The following MGST3 variants were observed in gnomAD, a reference collection of about 807,000 sequenced individuals.
MGST3 encodes the protein microsomal glutathione S-transferase 3.
A neutral mutation model predicts 15.8 loss-of-function variants in MGST3; 13 were observed. The observed-to-expected ratio is 0.82, with a 90% CI of 0.54 to 1.31. MGST3 has a LOEUF of 1.31. Ranked by LOEUF, MGST3 falls within the 50% of genes most tolerant of loss-of-function variation. The pLI, the probability that MGST3 is intolerant of heterozygous loss-of-function variation, is 0.00. For synonymous variants in MGST3, 49 were observed against 68.1 expected (o/e 0.72, Z 1.38); for missense variants, 155 against 192.4 (o/e 0.81, Z 1.15).
At chr1:165,641,947 C>T (rs142356972) in intron 1 of MGST3, among the ~76,000 whole-genome samples, 11 of 152,212 alleles carry the variant, frequency 7.2e-5, no homozygotes, top group Non-Finnish European at 8.8e-5. Context: ...CTTGACTGAT[C>T]TATTTTGACT....
chr1:165,632,046 A>G, intron 1 of MGST3: 1 of 564,756 alleles, frequency 1.8e-6, no homozygotes, highest in Non-Finnish European at 3.2e-6. Context: ...AAGGCGCTGG[A>G]GACTCCTTAG....
intron 3 of MGST3, 150 bp from the exon 4 acceptor site, chr1:165,651,828 G>T: frequency 1.7e-6 from 1 of 586,342 alleles, no homozygotes; most frequent in Non-Finnish European, 3.0e-6. Context: ...CCGGGAGGCG[G>T]AGGTTGCAGT....
chr1:165,644,048 T>C (rs1571151645), intron 1 of MGST3, among the ~76,000 whole-genome samples: 1 of 134,072 alleles, frequency 7.5e-6, no homozygotes, highest in African/African-American at 3.2e-5. Flanking sequence ...ACAGAGACCC[T>C]GTGTTAAAAA....
intron 2 of MGST3, 51 bp from the exon 3 acceptor site, chr1:165,650,963 C>T (rs754886185): frequency 4.5e-5 from 68 of 1,516,670 alleles, no homozygotes; most frequent in Non-Finnish European, 6.0e-5. Flanking sequence ...TAACTTTCAA[C>T]ACTGAATGCT....
At chr1:165,647,447 G>C (rs9333458) in intron 1 of MGST3, 2,137 of 152,182 alleles carry the variant, frequency 0.014, 29 homozygotes, top group Non-Finnish European at 0.021. Flanking sequence ...GAGTGTTTTG[G>C]GGGAGAATTC....
chr1:165,636,131 A>G (rs145454648), intron 1 of MGST3, among the ~76,000 whole-genome samples: 1 of 152,338 alleles, frequency 6.6e-6, no homozygotes, highest in East Asian at 1.9e-4. Flanking sequence ...TCTGAACCCA[A>G]AGAAATCCCA....
rs1342349041 is a variant in MGST3, at chr1:165,655,370, C to T, written c.325C>T (p.Pro109Ser). 1.2e-6 allele frequency: 2 copies of T among 1,613,736 alleles called. No individual in the cohort carries two copies. The stretch of plus-strand genomic sequence containing the variant: ...TTCTGTTCTTTCTTCTTTTTCAGAA[C>T]CCAGCAAGCGTAGTCGAGGAGCCCT... ...LYAYGYYTGEPSKRSRGALGS... is the reference protein window; with the variant it reads ...LYAYGYYTGESSKRSRGALGS... Residue 109 changes from proline to serine, a missense_variant and splice_region_variant, in exon 6 of 6, where the codon CCC becomes TCC. Physicochemically the swap from Pro to Ser is moderately conservative, Grantham distance 74. Coordinates refer to ENST00000367889, the MANE Select transcript of MGST3 (RefSeq NM_004528.4).
intron 1 of MGST3, among the ~76,000 whole-genome samples, chr1:165,648,079 T>C (rs1648455377): frequency 6.6e-6 from 1 of 152,268 alleles, no homozygotes; most frequent in African/African-American, 2.4e-5. Context: ...TCTGTTTTTC[T>C]TTTAATAACT....
intron 1 of MGST3, chr1:165,632,070 G>A: frequency 9.9e-6 from 6 of 603,132 alleles, no homozygotes; most frequent in Non-Finnish European, 1.8e-5. Context: ...GTCATTCCCC[G>A]AAGTTGTGGC....
At chr1:165,651,892 C>CAA (rs58194137) in intron 3 of MGST3, 86 bp from the exon 4 acceptor site, 9,958 of 467,954 alleles carry the variant, frequency 0.021, 128 homozygotes, top group African/African-American at 0.049. Flanking sequence ...CACTCCGTCT[C>CAA]AAAAAAAAAA....
At chr1:165,654,473 T>C in intron 5 of MGST3, 122 bp downstream of exon 5, 1 of 873,852 alleles carries the variant, frequency 1.1e-6, no homozygotes, top group Non-Finnish European at 1.9e-6. Flanking sequence ...GGCAGATTGC[T>C]TGAGCTCAGG....
intron 1 of MGST3, among the ~76,000 whole-genome samples, chr1:165,633,186 G>C (rs1289822193): frequency 1.3e-5 from 2 of 152,162 alleles, no homozygotes; most frequent in African/African-American, 2.4e-5. Flanking sequence ...GTAGATTATC[G>C]CTATGTAAAA....
chr1:165,632,061 T>A, intron 1 of MGST3: 1 of 590,372 alleles, frequency 1.7e-6, no homozygotes, highest in African/African-American at 1.9e-5. Context: ...CCTTAGTGAG[T>A]CATTCCCCGA....
rs2101726795 is a variant in MGST3 at position 165,655,439 on chromosome 1, T to G, written c.394T>G (p.Ser132Ala). ...GGGCTTGGTGGGCACAACTGTGTGC[T>G]CTGCTTTCCAGCATCTTGGTTGGGT... ...LLGLVGTTVC[S>A]AFQHLGWVKS... is the part of the protein sequence containing the mutation. The change falls in exon 6 of 6, where the codon TCT (serine) becomes GCT (alanine). Residue 132 changes from serine (S) to alanine (A), a missense_variant. Coordinates refer to ENST00000367889, the MANE Select transcript of MGST3 (RefSeq NM_004528.4). 1 of 1,614,174 alleles carries G rather than the reference T, an allele frequency of 6.2e-7. No individual in the cohort carries two copies. Among genetic ancestry groups the G allele is most frequent in the East Asian group, 2.2e-5 (1 of 44,892 alleles).
At chr1:165,635,189 A>C (rs1178557329) in intron 1 of MGST3, among the ~76,000 whole-genome samples, 1 of 152,034 alleles carries the variant, frequency 6.6e-6, no homozygotes, top group African/African-American at 2.4e-5. Flanking sequence ...TCAGCTCCAA[A>C]GGGTCTAGCA....
chr1:165,653,070 A>G (rs1648607765), intron 4 of MGST3, among the ~76,000 whole-genome samples: 1 of 152,246 alleles, frequency 6.6e-6, no homozygotes, highest in African/African-American at 2.4e-5. Flanking sequence ...AAAAGCTGCC[A>G]GAATGGCATA....
chr1:165,655,343 A>G, intron 5 of MGST3, 25 bp from the exon 6 acceptor site: 1 of 1,613,690 alleles, frequency 6.2e-7, no homozygotes, highest in South Asian at 1.1e-5. Context: ...ACTCCTGGTA[A>G]CTTCTGTTCT....
chr1:165,644,112 T>C (rs1014768991), intron 1 of MGST3, among the ~76,000 whole-genome samples: 10 of 151,884 alleles, frequency 6.6e-5, no homozygotes, highest in Non-Finnish European at 1.5e-4. Context: ...TTCTATCTTA[T>C]ACTTCCCTCA....
intron 1 of MGST3, among the ~76,000 whole-genome samples, chr1:165,644,115 T>C (rs984188577): frequency 6.6e-6 from 1 of 152,022 alleles, no homozygotes; most frequent in Non-Finnish European, 1.5e-5. Context: ...TATCTTATAC[T>C]TCCCTCAACA....
Sources: gnomAD v4.1 joint callset for allele counts (sites outside exome capture counted in the v4.1 genomes callset) on GRCh38, gnomAD v4.1.1 for gene constraint, MANE v1.5 for transcripts, NCBI Gene and HGNC (gene_info 2026-07-23, HGNC 2026-07-21) for gene names.